Variants in GLIS1 observed in about 807,000 individuals in gnomAD.
GLIS1 encodes the protein zinc finger protein GLIS1.
In GLIS1, 24 loss-of-function variants were observed where a neutral mutation model predicts 63.8. That is an observed-to-expected ratio of 0.38 (90% CI 0.27 to 0.53). The LOEUF (loss-of-function observed/expected upper bound fraction) is 0.53, where lower values mean the gene tolerates loss of function less well. Ranked by LOEUF, GLIS1 falls within the 20% of genes least tolerant of loss-of-function variation. GLIS1 has a pLI of 0.85. For synonymous variants in GLIS1, 450 were observed against 482.5 expected (o/e 0.93, Z 0.88); for missense variants, 1,036 against 1,074.1 (o/e 0.96, Z 0.50).
At chr1:53,649,236 GCA>G (rs1225092181) in intron 2 of GLIS1, among the ~76,000 whole-genome samples, 3 of 152,168 alleles carry the variant, frequency 2.0e-5, no homozygotes, top group Non-Finnish European at 4.4e-5. Flanking sequence ...CCAAATCTGT[GCA>G]CACAGTTACA....
At chr1:53,527,557 T>C (rs1644483704) in intron 5 of GLIS1, among the ~76,000 whole-genome samples, 1 of 152,222 alleles carries the variant, frequency 6.6e-6, no homozygotes, top group Non-Finnish European at 1.5e-5. Flanking sequence ...GTCAGAACCC[T>C]GGCCTGGTCC....
At chr1:53,672,930 G>A (rs1261925275) in intron 2 of GLIS1, among the ~76,000 whole-genome samples, 1 of 152,232 alleles carries the variant, frequency 6.6e-6, no homozygotes, top group Non-Finnish European at 1.5e-5. Context: ...ACTGGCTGCA[G>A]GGCTCAGGCA....
At chr1:53,524,127 A>G (rs1355927364) in intron 6 of GLIS1, among the ~76,000 whole-genome samples, 5 of 152,248 alleles carry the variant, frequency 3.3e-5, no homozygotes, top group Non-Finnish European at 7.3e-5. Flanking sequence ...AGCTGTCTAA[A>G]GCAAGTCCTT....
At position 53,598,952 on chromosome 1, in the gene GLIS1, G is replaced by A. The variant is rs759267520; in HGVS notation, c.437+1149C>T. On this transcript the variant is annotated intron_variant, in intron 3 of 10. Coordinates refer to ENST00000628545, the MANE Select transcript of GLIS1 (RefSeq NM_001367484.1). The surrounding 1 kb of genome is among the most constrained non-coding windows in gnomAD (Gnocchi z 4.6). ...CCTTCACCAAGATGCTCCCAGCACCGACCACAGTGCCTGGCACATGACAGG... is the reference window on the plus strand; with the variant it reads ...CCTTCACCAAGATGCTCCCAGCACCAACCACAGTGCCTGGCACATGACAGG... Among the ~76,000 whole-genome samples the A allele has an allele frequency of 5.3e-5, 8 of 152,156 alleles. No homozygotes were observed. Among genetic ancestry groups the A allele is most frequent in the Admixed American group, 2.6e-4 (4 of 15,282 alleles).
At position 53,509,909 on chromosome 1, in the gene GLIS1, TG is replaced by T; in HGVS notation, c.2001del (p.Ser668AlafsTer157). 2 of 1,307,138 alleles carry T rather than the reference TG, an allele frequency of 1.5e-6. No individual in the cohort carries two copies. Among genetic ancestry groups the T allele is most frequent in the South Asian group, 3.3e-5 (1 of 30,214 alleles). The allele number at this position is 1,307,138 out of a possible 1,614,324, so 81.0% of individuals were successfully genotyped here. On this transcript the variant is annotated frameshift_variant, in exon 9 of 11. Coordinates refer to ENST00000628545, the MANE Select transcript of GLIS1 (RefSeq NM_001367484.1). LOFTEE classifies it high-confidence loss of function. ...TGGAAGGGTGGGTAGGACGGCTTGC[TG>T]GGGAGTGTGGGGAAGGGCTGGCCCC... ...SPGGQPFPTLPSKPSYPPFQS... is the reference protein window; with the variant it reads ...SPGGQPFPTLXSKPSYPPFQS...
At position 53,574,515 on chromosome 1, in the gene GLIS1, A is replaced by T. The variant is rs1013492597; in HGVS notation, c.1320+19593T>A. Among the ~76,000 whole-genome samples the T allele has an allele frequency of 7.9e-5, 12 of 152,108 alleles. No homozygotes were observed. Among genetic ancestry groups the T allele is most frequent in the African/African-American group, 2.9e-4 (12 of 41,414 alleles). ...GCTCTGCTCTGGGACACCCACCTAA[A>T]CACCATTGTACAGGTGAGGAAACAG... is the stretch of plus-strand genomic sequence containing the variant. On this transcript the variant is annotated intron_variant, in intron 4 of 10. Transcript: ENST00000628545. This position sits in a 1 kb window ranked among gnomAD's most constrained non-coding sequence, Gnocchi z 4.2.
At chr1:53,519,543 G>A (rs977618778) in intron 7 of GLIS1, among the ~76,000 whole-genome samples, 7 of 152,220 alleles carry the variant, frequency 4.6e-5, no homozygotes, top group South Asian at 4.1e-4. Flanking sequence ...GTCGGGGGTA[G>A]AGCGCAAGGA....
At chr1:53,667,867 T>C (rs1646110595) in intron 2 of GLIS1, among the ~76,000 whole-genome samples, 1 of 152,214 alleles carries the variant, frequency 6.6e-6, no homozygotes, top group African/African-American at 2.4e-5. Flanking sequence ...TACTATTATA[T>C]TGGCAACACC....
Position 53,600,196 on chromosome 1 carries a change from G to C in GLIS1, c.342C>G (p.Thr114=), listed in dbSNP as rs1209823462. ...DLDLAEGPGP[T]CCQGLFLPAG... ...CAGGGAGAAACAGGCCCTGGCAGCA[G>C]GTGGGGCCAGGGCCCTCAGCAAGGT... The change falls in exon 3 of 11, where the codon ACC becomes ACG. Residue 114 remains threonine (T), a synonymous_variant. Coordinates refer to ENST00000628545, the MANE Select transcript of GLIS1 (RefSeq NM_001367484.1). 2.0e-5 allele frequency: 25 copies of C among 1,231,084 alleles called. No homozygotes were observed. The highest frequency in any genetic ancestry group is 1.2e-5 in the Non-Finnish European group (12 of 987,074). 76.3% of individuals were successfully genotyped at this position (1,231,084 alleles called of 1,614,324 possible).
chr1:53,690,812 G>C (rs985419890), intron 2 of GLIS1, among the ~76,000 whole-genome samples: 2 of 152,190 alleles, frequency 1.3e-5, no homozygotes, highest in Non-Finnish European at 2.9e-5. Flanking sequence ...CTGTCCAAGG[G>C]TGTGGCTGGA....
At chr1:53,726,817 G>C (rs1646810341) in intron 2 of GLIS1, among the ~76,000 whole-genome samples, 3 of 152,056 alleles carry the variant, frequency 2.0e-5, no homozygotes, top group African/African-American at 7.2e-5. Context: ...CCTTATTCTT[G>C]TAATTACACC....
intron 5 of GLIS1, among the ~76,000 whole-genome samples, chr1:53,528,546 G>GTCCC (rs1435126884): frequency 2.6e-5 from 4 of 152,148 alleles, no homozygotes; most frequent in Non-Finnish European, 5.9e-5. Context: ...TATACAGAGT[G>GTCCC]TCCCCCCCAG....
At chr1:53,730,157 C>T (rs1012967079) in intron 2 of GLIS1, among the ~76,000 whole-genome samples, 5 of 152,070 alleles carry the variant, frequency 3.3e-5, no homozygotes, top group African/African-American at 9.7e-5. Flanking sequence ...CTCTTTAAAC[C>T]GTCGTCTTGG....
intron 2 of GLIS1, among the ~76,000 whole-genome samples, chr1:53,647,273 G>A (rs1251686586): frequency 1.3e-5 from 2 of 152,186 alleles, no homozygotes; most frequent in Admixed American, 6.5e-5. Flanking sequence ...AATAGCCAGG[G>A]TGATCCTGAA....
intron 2 of GLIS1, among the ~76,000 whole-genome samples, chr1:53,683,303 G>C (rs910674224): frequency 1.3e-5 from 2 of 151,536 alleles, no homozygotes; most frequent in African/African-American, 4.9e-5. Context: ...CTCACACCGC[G>C]TGAATGTGAT....
intron 4 of GLIS1, among the ~76,000 whole-genome samples, chr1:53,571,054 A>G (rs942011493): frequency 6.6e-6 from 1 of 152,240 alleles, no homozygotes; most frequent in African/African-American, 2.4e-5. Context: ...AAGAATTCCT[A>G]TAAATCAATA....
chr1:53,712,348 T>C (rs985046019), intron 2 of GLIS1, among the ~76,000 whole-genome samples: 1 of 152,246 alleles, frequency 6.6e-6, no homozygotes, highest in Non-Finnish European at 1.5e-5. Flanking sequence ...CCAATGCTGC[T>C]GGTCCAGAAA....
rs1557939526 is a variant in GLIS1 at position 53,511,874 on chromosome 1, C to T, written c.1884-1847G>A. ...ATCTGGGCACCCACAACCCAGCCCTCCCCTGGTTTCCTGAAGCCCCTGTAG... is the reference window on the plus strand; with the variant it reads ...ATCTGGGCACCCACAACCCAGCCCTTCCCTGGTTTCCTGAAGCCCCTGTAG... On this transcript the variant is annotated intron_variant, in intron 8 of 10. Coordinates refer to ENST00000628545, the MANE Select transcript of GLIS1 (RefSeq NM_001367484.1). The surrounding 1 kb of genome is among the most constrained non-coding windows in gnomAD (Gnocchi z 4.2). Among the ~76,000 whole-genome samples the T allele has an allele frequency of 6.6e-6, 1 of 152,198 alleles. No homozygotes were observed. Among genetic ancestry groups the T allele is most frequent in the Non-Finnish European group, 1.5e-5 (1 of 68,032 alleles).
In GLIS1 at chr1:53,583,033, G is replaced by A. The variant is rs112943220; in HGVS notation, c.1320+11075C>T. On this transcript the variant is annotated intron_variant, in intron 4 of 10. Transcript: ENST00000628545. Reference sequence around the variant, plus strand: ...ACTCAGCCTGATCAGAAATGACCCCGTAAGCCAAACTGCCTCCCAAAACTT... The same window carrying A: ...ACTCAGCCTGATCAGAAATGACCCCATAAGCCAAACTGCCTCCCAAAACTT... Among the ~76,000 whole-genome samples the A allele has an allele frequency of 4.6e-5, 7 of 152,318 alleles. 1 individual carries two copies. The highest frequency in any genetic ancestry group is 1.7e-4 in the African/African-American group (7 of 41,568).
Sources: allele counts gnomAD v4.1 joint callset (sites outside exome capture counted in the v4.1 genomes callset), GRCh38; gene constraint gnomAD v4.1.1; non-coding constraint Gnocchi (gnomAD v3.1); transcripts MANE v1.5; gene names NCBI Gene and HGNC (gene_info 2026-07-23, HGNC 2026-07-21).